The following RUNX2 variants were observed in gnomAD, a reference collection of about 807,000 sequenced individuals.
RUNX2 encodes the protein runt-related transcription factor 2.
Under a neutral mutation model 51.7 loss-of-function variants are expected in RUNX2, and 10 were observed. The ratio of observed to expected loss-of-function variants is 0.19; its 90% CI spans 0.12 to 0.33. The LOEUF (loss-of-function observed/expected upper bound fraction) is 0.33. Ranked by LOEUF, RUNX2 falls within the 10% of genes least tolerant of loss-of-function variation. RUNX2 has a pLI of 1.00. For missense variants in RUNX2, 562 were observed against 691.3 expected (o/e 0.81, Z 2.10); for synonymous variants, 276 against 273.6 (o/e 1.01, Z -0.09).
chr6:45,471,949 A>G (rs2790097), intron 5 of RUNX2, among the ~76,000 whole-genome samples: 41,752 of 151,856 alleles, frequency 0.27, 6,282 homozygotes, highest in Non-Finnish European at 0.34. Context: ...TACTGTTTTA[A>G]CCAGTATACT....
At chr6:45,501,568 A>G (rs1800801913) in intron 6 of RUNX2, among the ~76,000 whole-genome samples, 1 of 152,214 alleles carries the variant, frequency 6.6e-6, no homozygotes, top group Non-Finnish European at 1.5e-5. Flanking sequence ...TTATGCCACC[A>G]TATAACTCTG....
chr6:45,365,047 T>C (rs1794895099), intron 2 of RUNX2, among the ~76,000 whole-genome samples: 1 of 152,214 alleles, frequency 6.6e-6, no homozygotes, highest in South Asian at 2.1e-4. Flanking sequence ...CCTCTACATA[T>C]GGCAATTTAA....
At chr6:45,357,141 G>A (rs1793360115) in intron 2 of RUNX2, among the ~76,000 whole-genome samples, 1 of 152,072 alleles carries the variant, frequency 6.6e-6, no homozygotes, top group East Asian at 1.9e-4. Context: ...AGAGTAGCTG[G>A]GACTACAGGC....
intron 5 of RUNX2, among the ~76,000 whole-genome samples, chr6:45,466,159 C>T (rs1799624302): frequency 6.6e-6 from 1 of 151,266 alleles, no homozygotes; most frequent in African/African-American, 2.4e-5. Context: ...ACTAAAAATA[C>T]AAAAAAATTA....
chr6:45,517,164 A>G (rs1343434380), intron 7 of RUNX2, among the ~76,000 whole-genome samples: 1 of 151,982 alleles, frequency 6.6e-6, no homozygotes. Context: ...TGCCTCAGTT[A>G]CTCTGAAAGA....
intron 2 of RUNX2, among the ~76,000 whole-genome samples, chr6:45,397,979 G>A (rs775472326): frequency 1.3e-5 from 2 of 152,128 alleles, no homozygotes; most frequent in South Asian, 2.1e-4. Context: ...AGAACATTTT[G>A]AGTGTTCAGT....
At chr6:45,531,709 C>T (rs921855110) in intron 7 of RUNX2, among the ~76,000 whole-genome samples, 10 of 151,806 alleles carry the variant, frequency 6.6e-5, no homozygotes, top group Non-Finnish European at 1.0e-4. Flanking sequence ...GCCGAGATGG[C>T]GCCACTGCAC....
At chr6:45,380,640 G>A (rs1020837897) in intron 2 of RUNX2, among the ~76,000 whole-genome samples, 5 of 152,108 alleles carry the variant, frequency 3.3e-5, no homozygotes, top group Admixed American at 1.3e-4. Flanking sequence ...GCAGTGGCCC[G>A]ATCTCGGCTC....
At chr6:45,508,417 A>C (rs1195199899) in intron 6 of RUNX2, among the ~76,000 whole-genome samples, 1 of 151,934 alleles carries the variant, frequency 6.6e-6, no homozygotes, top group East Asian at 1.9e-4. Context: ...TAGTAGAGAC[A>C]GGCTTTCTCC....
intron 2 of RUNX2, among the ~76,000 whole-genome samples, chr6:45,390,417 G>A (rs759399915): frequency 1.6e-4 from 24 of 152,146 alleles, no homozygotes; most frequent in Non-Finnish European, 1.3e-4. Flanking sequence ...ACAACTACAG[G>A]AAACAGATAA....
At chr6:45,365,804 A>C (rs1036518045) in intron 2 of RUNX2, among the ~76,000 whole-genome samples, 2 of 151,784 alleles carry the variant, frequency 1.3e-5, no homozygotes, top group African/African-American at 4.8e-5. Flanking sequence ...CAAAATTAGA[A>C]AACTACAGCA....
intron 5 of RUNX2, among the ~76,000 whole-genome samples, chr6:45,489,827 A>G (rs1563108877): frequency 6.6e-6 from 1 of 152,228 alleles, no homozygotes; most frequent in Non-Finnish European, 1.5e-5. Flanking sequence ...GAGTTAGGCT[A>G]CAGCCATTTG....
intron 5 of RUNX2, among the ~76,000 whole-genome samples, chr6:45,491,625 T>TG (rs201827342): frequency 0.012 from 1,697 of 144,470 alleles, 17 homozygotes; most frequent in African/African-American, 0.04. Context: ...CCTGTTTGTT[T>TG]TTTTTTTTTT....
chr6:45,357,078 C>G (rs1456962866), intron 2 of RUNX2, among the ~76,000 whole-genome samples: 1 of 151,878 alleles, frequency 6.6e-6, no homozygotes, highest in Non-Finnish European at 1.5e-5. Context: ...ACGATCTCGG[C>G]TCACTGCAAG....
chr6:45,349,569 G>C (rs1791604888), intron 2 of RUNX2, among the ~76,000 whole-genome samples: 1 of 152,126 alleles, frequency 6.6e-6, no homozygotes, highest in Admixed American at 6.5e-5. Flanking sequence ...CAGTTTAATG[G>C]TTCAGCAAGG....
At chr6:45,466,766 C>T (rs1799641001) in intron 5 of RUNX2, among the ~76,000 whole-genome samples, 1 of 152,084 alleles carries the variant, frequency 6.6e-6, no homozygotes, top group Non-Finnish European at 1.5e-5. Flanking sequence ...ATTTCTTAAC[C>T]AGTGTAATTT....
chr6:45,378,804 C>T (rs1468191107), intron 2 of RUNX2, among the ~76,000 whole-genome samples: 1 of 151,922 alleles, frequency 6.6e-6, no homozygotes, highest in African/African-American at 2.4e-5. Flanking sequence ...ATACAGTAGT[C>T]GTAAGACAAT....
intron 5 of RUNX2, among the ~76,000 whole-genome samples, chr6:45,483,128 T>C (rs1304054927): frequency 2.6e-5 from 4 of 152,188 alleles, no homozygotes; most frequent in Non-Finnish European, 5.9e-5. Flanking sequence ...TCACGAGCTA[T>C]CCTGTATCAT....
intron 7 of RUNX2, among the ~76,000 whole-genome samples, chr6:45,536,599 A>C (rs547277872): frequency 6.2e-4 from 95 of 152,282 alleles, no homozygotes; most frequent in African/African-American, 2.2e-3. Flanking sequence ...CCAGCTTGTC[A>C]GGTTTTGTGT....
Sources: allele counts gnomAD v4.1 joint callset (sites outside exome capture counted in the v4.1 genomes callset), GRCh38; gene constraint gnomAD v4.1.1; transcripts MANE v1.5; gene names NCBI Gene and HGNC (gene_info 2026-07-23, HGNC 2026-07-21).